JUNB: variants seen among roughly 807,000 people sequenced by gnomAD.
JUNB encodes the protein transcription factor JunB.
In JUNB, 6 loss-of-function variants were observed where a neutral mutation model predicts 16.4. The ratio of observed to expected loss-of-function variants is 0.37; its 90% CI spans 0.20 to 0.72. The LOEUF (loss-of-function observed/expected upper bound fraction) is 0.72. Ranked by LOEUF, JUNB falls within the 30% of genes least tolerant of loss-of-function variation. JUNB has a pLI of 0.53. For synonymous variants in JUNB, 226 were observed against 232.8 expected (o/e 0.97, Z 0.27); for missense variants, 389 against 492.9 (o/e 0.79, Z 2.00).
chr19:12,792,748 A>G lies in JUNB; in HGVS notation c.977A>G (p.Gln326Arg). The change falls in exon 1 of 1, where the codon CAG becomes CGG. Residue 326 changes from glutamine (Q) to arginine (R), a missense_variant. Physicochemically the swap from Gln to Arg is conservative, Grantham distance 43. Around this residue, in one of 2 missense-constraint regions of JUNB, gnomAD observed 40 missense variants for 103.2 expected, o/e 0.39. Transcript: ENST00000302754. Reference sequence around the variant, plus strand: ...CGGGAGCAGGTGGCCCAGCTCAAACAGAAGGTCATGACCCACGTCAGCAAC... The same window carrying G: ...CGGGAGCAGGTGGCCCAGCTCAAACGGAAGGTCATGACCCACGTCAGCAAC... ...LLREQVAQLK[Q>R]KVMTHVSNGC... is the part of the protein sequence containing the mutation. The G allele has an allele frequency of 6.2e-7, 1 of 1,611,962 alleles. No individual in the cohort carries two copies. Among genetic ancestry groups the G allele is most frequent in the Non-Finnish European group, 8.5e-7 (1 of 1,179,228 alleles).
Position 12,791,721 on chromosome 19 carries a change from G to A in JUNB, c.-51G>A. 8.8e-6 allele frequency: 12 copies of A among 1,369,944 alleles called. No homozygotes were observed. Among genetic ancestry groups the A allele is most frequent in the Non-Finnish European group, 1.2e-5 (12 of 1,004,574 alleles). The allele number at this position is 1,369,944 out of a possible 1,614,324, so 84.9% of individuals were successfully genotyped here. On this transcript the variant is annotated 5_prime_UTR_variant, in exon 1 of 1. Transcript: ENST00000302754. The surrounding 1 kb of genome is among the most constrained non-coding windows in gnomAD (Gnocchi z 7.0). ...GAGAGCTCGCCGCTCGCTGCAGCGA[G>A]GCCCGGAGCGGCCCCGCAGGGACCC...
Position 12,792,841 on chromosome 19 carries a change from C to A in JUNB, c.*26C>A, listed in dbSNP as rs1968737128. 6.3e-7 allele frequency: 1 copy of A among 1,577,956 alleles called. No individual in the cohort carries two copies. On this transcript the variant is annotated 3_prime_UTR_variant, in exon 1 of 1. Transcript: ENST00000302754. The stretch of plus-strand genomic sequence containing the variant: ...ACGTCCCCTGCCCCTTTACGGACAC[C>A]CCCTCGCTTGGACGGCTGGGCACAC...
At position 12,792,843 on chromosome 19, in the gene JUNB, C is replaced by T. The variant is rs752649419; in HGVS notation, c.*28C>T. 23 of 1,577,116 alleles carry T rather than the reference C, an allele frequency of 1.5e-5. No homozygotes were observed. The stretch of plus-strand genomic sequence containing the variant: ...GTCCCCTGCCCCTTTACGGACACCC[C>T]CTCGCTTGGACGGCTGGGCACACGC... On this transcript the variant is annotated 3_prime_UTR_variant, in exon 1 of 1. Coordinates refer to ENST00000302754, the MANE Select transcript of JUNB (RefSeq NM_002229.3).
chr19:12,792,650 C>T lies in JUNB; in HGVS notation c.879C>T (p.Ile293=), dbSNP rs889966481. ...GCCGGAAGCGGAAGCTGGAGCGCAT[C>T]GCGCGCCTGGAGGACAAGGTGAAGA... ...TKCRKRKLER[I]ARLEDKVKTL... The change falls in exon 1 of 1, where the codon ATC becomes ATT. Residue 293 remains isoleucine (I), a synonymous_variant. Transcript: ENST00000302754. 3 of 1,566,528 alleles carry T rather than the reference C, an allele frequency of 1.9e-6. No individual in the cohort carries two copies. Among genetic ancestry groups the T allele is most frequent in the Non-Finnish European group, 2.6e-6 (3 of 1,156,962 alleles).
chr19:12,792,607 G>C lies in JUNB; in HGVS notation c.836G>C (p.Arg279Pro), dbSNP rs1215354308. ...GTGGAGCGCAAGCGGCTGCGGAACC[G>C]GCTGGCGGCCACCAAGTGCCGGAAG... ...IKVERKRLRN[R>P]LAATKCRKRK... Residue 279 changes from arginine (R) to proline (P), a missense_variant, in exon 1 of 1, where the codon CGG becomes CCG. Arg to Pro is a moderately radical substitution (Grantham distance 103). Coordinates refer to ENST00000302754, the MANE Select transcript of JUNB (RefSeq NM_002229.3). The C allele has an allele frequency of 1.3e-6, 2 of 1,558,424 alleles. No homozygotes were observed. Among genetic ancestry groups the C allele is most frequent in the Non-Finnish European group, 1.7e-6 (2 of 1,152,328 alleles).
rs954341429 is a variant in JUNB at position 12,791,510 on chromosome 19, G to A, written c.-262G>A. On this transcript the variant is annotated 5_prime_UTR_variant, in exon 1 of 1. Coordinates refer to ENST00000302754, the MANE Select transcript of JUNB (RefSeq NM_002229.3). This position sits in a 1 kb window ranked among gnomAD's most constrained non-coding sequence, Gnocchi z 7.0. ...TGGGACCTTGAGAGCGGCCAGGCCAGCCTCGGAGCCAGCAGGGAGCTGGGA... is the reference window on the plus strand; with the variant it reads ...TGGGACCTTGAGAGCGGCCAGGCCAACCTCGGAGCCAGCAGGGAGCTGGGA... The A allele has an allele frequency of 7.0e-6, 3 of 430,866 alleles. No individual in the cohort carries two copies. Among genetic ancestry groups the A allele is most frequent in the Non-Finnish European group, 1.2e-5 (3 of 242,464 alleles). The allele number at this position is 430,866 out of a possible 1,614,324, so 26.7% of individuals were successfully genotyped here. A position where few individuals can be genotyped will look rare whatever the true frequency, so the allele number is the denominator to read the frequency against.
In JUNB at chr19:12,791,966, C is replaced by T; in HGVS notation, c.195C>T (p.Gly65=). ...ARGPGPEGGG[G]GSYFSGQGSD... ...GACCCGGCCCAGAGGGCGGCGGTGG[C>T]GGCAGCTACTTTTCTGGTCAGGGCT... Residue 65 remains glycine, a synonymous_variant, in exon 1 of 1, where the codon GGC becomes GGT. Transcript: ENST00000302754. This position sits in a 1 kb window ranked among gnomAD's most constrained non-coding sequence, Gnocchi z 7.0. 6.2e-7 allele frequency: 1 copy of T among 1,611,042 alleles called. No individual in the cohort carries two copies. Among genetic ancestry groups the T allele is most frequent in the Non-Finnish European group, 8.5e-7 (1 of 1,179,324 alleles).
In JUNB at chr19:12,791,543, G is replaced by A. The variant is rs1359427576; in HGVS notation, c.-229G>A. The A allele has an allele frequency of 6.2e-6, 3 of 486,746 alleles. No homozygotes were observed. The highest frequency in any genetic ancestry group is 3.5e-5 in the East Asian group (1 of 28,796). The allele number at this position is 486,746 out of a possible 1,614,324, so 30.2% of individuals were successfully genotyped here. A position where few individuals can be genotyped will look rare whatever the true frequency, so the allele number is the denominator to read the frequency against. On this transcript the variant is annotated 5_prime_UTR_variant, in exon 1 of 1. Coordinates refer to ENST00000302754, the MANE Select transcript of JUNB (RefSeq NM_002229.3). This position sits in a 1 kb window ranked among gnomAD's most constrained non-coding sequence, Gnocchi z 7.0. Reference sequence around the variant, plus strand: ...GCCAGCAGGGAGCTGGGAGCTGGGGGAAACGACGCCAGGAAAGCTATCGCG... The same window carrying A: ...GCCAGCAGGGAGCTGGGAGCTGGGGAAAACGACGCCAGGAAAGCTATCGCG...
Position 12,792,134 on chromosome 19 carries a change from A to AG in JUNB, c.368dup (p.Ala124ArgfsTer260). 6.3e-7 allele frequency: 1 copy of AG among 1,595,940 alleles called. No homozygotes were observed. The highest frequency in any genetic ancestry group is 8.5e-7 in the Non-Finnish European group (1 of 1,172,388). On this transcript the variant is annotated frameshift_variant, in exon 1 of 1. Transcript: ENST00000302754. LOFTEE classifies it high-confidence loss of function. ...GCGGGGGTGGCAGCGGTGGAGGTGC[A>AG]GGGGGCGCAGGGGGCGGCGTCACCG...
Position 12,792,512 on chromosome 19 carries a change from G to A in JUNB, c.741G>A (p.Pro247=), listed in dbSNP as rs113134178. ...TCAAGGAGGAACCGCAGACCGTGCCGGAGGCGCGCAGCCGGGACGCCACGC... is the reference window on the plus strand; with the variant it reads ...TCAAGGAGGAACCGCAGACCGTGCCAGAGGCGCGCAGCCGGGACGCCACGC... ...STFKEEPQTV[P]EARSRDATPP... The change falls in exon 1 of 1, where the codon CCG becomes CCA. Residue 247 remains proline, a synonymous_variant. Transcript: ENST00000302754. 1 of 1,574,062 alleles carries A rather than the reference G, an allele frequency of 6.4e-7. No homozygotes were observed. Among genetic ancestry groups the A allele is most frequent in the Non-Finnish European group, 8.6e-7 (1 of 1,161,492 alleles).
chr19:12,792,814 G>A lies in JUNB; in HGVS notation c.1043G>A (p.Ter348=), dbSNP rs1968736505. ...LLLGVKGHAF[*] is the part of the protein sequence containing the mutation. ...CTTGGGGTCAAGGGACACGCCTTCT[G>A]AACGTCCCCTGCCCCTTTACGGACA... Residue 348 remains the stop codon, a stop_retained_variant, in exon 1 of 1, where the codon TGA becomes TAA. Coordinates refer to ENST00000302754, the MANE Select transcript of JUNB (RefSeq NM_002229.3). 6.3e-7 allele frequency: 1 copy of A among 1,596,416 alleles called. No individual in the cohort carries two copies. The highest frequency in any genetic ancestry group is 8.6e-7 in the Non-Finnish European group (1 of 1,166,452).
Position 12,792,264 on chromosome 19 carries a change from C to A in JUNB, c.493C>A (p.Pro165Thr), listed in dbSNP as rs769217729. 3.3e-6 allele frequency: 5 copies of A among 1,494,020 alleles called. No homozygotes were observed. The South Asian group carries it at 6.5e-5, about 19-fold the overall frequency. The allele number at this position is 1,494,020 out of a possible 1,614,324, so 92.5% of individuals were successfully genotyped here. The change falls in exon 1 of 1, where the codon CCC (proline) becomes ACC (threonine). Residue 165 changes from proline to threonine, a missense_variant. Physicochemically the swap from Pro to Thr is conservative, Grantham distance 38 (BLOSUM62 -1). Coordinates refer to ENST00000302754, the MANE Select transcript of JUNB (RefSeq NM_002229.3). The part of the protein sequence containing the change: ...PNVSLGATGG[P>T]PAGPGGVYAG... ...CGTGTCCCTGGGCGCTACCGGGGGG[C>A]CCCCGGCTGGGCCCGGGGGCGTCTA...
rs1032374540 is a variant in JUNB, at chr19:12,791,670, A to G, written c.-102A>G. The G allele has an allele frequency of 1.1e-4, 87 of 811,774 alleles. No individual in the cohort carries two copies. Among genetic ancestry groups the G allele is most frequent in the Non-Finnish European group, 1.4e-4 (76 of 556,586 alleles). The allele number at this position is 811,774 out of a possible 1,614,324, so 50.3% of individuals were successfully genotyped here. A position where few individuals can be genotyped will look rare whatever the true frequency, so the allele number is the denominator to read the frequency against. ...CGCCAGCCCCCGAGAACGCGCGACC[A>G]GGCACCCAGTCCGGTCACCGCAGCG... On this transcript the variant is annotated 5_prime_UTR_variant, in exon 1 of 1. Coordinates refer to ENST00000302754, the MANE Select transcript of JUNB (RefSeq NM_002229.3). The surrounding 1 kb of genome is among the most constrained non-coding windows in gnomAD (Gnocchi z 7.0).
Position 12,792,361 on chromosome 19 carries a change from G to A in JUNB, c.590G>A (p.Gly197Asp), listed in dbSNP as rs757464520. ...TCCCCAGCCTCTGCGTCCTCGGGAG[G>A]CGCCGGGGCTGCCGTCGGGACCGGG... ...SYSPASASSG[G>D]AGAAVGTGSS... Residue 197 changes from glycine (G) to aspartate (D), a missense_variant, in exon 1 of 1, where the codon GGC becomes GAC. Coordinates refer to ENST00000302754, the MANE Select transcript of JUNB (RefSeq NM_002229.3). 6.5e-7 allele frequency: 1 copy of A among 1,547,020 alleles called. No homozygotes were observed. Among genetic ancestry groups the A allele is most frequent in the Non-Finnish European group, 8.7e-7 (1 of 1,146,804 alleles).
Position 12,792,968 on chromosome 19 carries a change from T to G in JUNB, c.*153T>G. 1 of 750,426 alleles carries G rather than the reference T, an allele frequency of 1.3e-6. No homozygotes were observed. The highest frequency in any genetic ancestry group is 2.0e-5 in the South Asian group (1 of 49,014). 46.5% of individuals were successfully genotyped at this position (750,426 alleles called of 1,614,324 possible). Reference sequence around the variant, plus strand: ...TCCGGCCCTCCTACCCTGCGCCCAGTCCTTCCACCTCGACGTTTACAAGCC... The same window carrying G: ...TCCGGCCCTCCTACCCTGCGCCCAGGCCTTCCACCTCGACGTTTACAAGCC... On this transcript the variant is annotated 3_prime_UTR_variant, in exon 1 of 1. Transcript: ENST00000302754.
chr19:12,792,850 T>C lies in JUNB; in HGVS notation c.*35T>C. 6.4e-7 allele frequency: 1 copy of C among 1,569,380 alleles called. No individual in the cohort carries two copies. Among genetic ancestry groups the C allele is most frequent in the Non-Finnish European group, 8.7e-7 (1 of 1,151,338 alleles). ...GCCCCTTTACGGACACCCCCTCGCT[T>C]GGACGGCTGGGCACACGCCTCCCAC... On this transcript the variant is annotated 3_prime_UTR_variant, in exon 1 of 1. Transcript: ENST00000302754.
rs1002071250 is a variant in JUNB at position 12,792,427 on chromosome 19, C to T, written c.656C>T (p.Ala219Val). ...ACCACCATCAGCTACCTCCCACACG[C>T]GCCGCCCTTCGCCGGTGGCCACCCG... ...PTTTISYLPH[A>V]PPFAGGHPAQ... is the part of the protein sequence containing the mutation. Residue 219 changes from alanine (A) to valine (V), a missense_variant, in exon 1 of 1, where the codon GCG (alanine) becomes GTG (valine). Physicochemically the swap from Ala to Val is moderately conservative, Grantham distance 64 (BLOSUM62 0). Coordinates refer to ENST00000302754, the MANE Select transcript of JUNB (RefSeq NM_002229.3). The T allele has an allele frequency of 6.2e-7, 1 of 1,601,606 alleles. No individual in the cohort carries two copies. Among genetic ancestry groups the T allele is most frequent in the Non-Finnish European group, 8.5e-7 (1 of 1,177,312 alleles).
rs2145807684 is a variant in JUNB, at chr19:12,792,860, G to A, written c.*45G>A. On this transcript the variant is annotated 3_prime_UTR_variant, in exon 1 of 1. Coordinates refer to ENST00000302754, the MANE Select transcript of JUNB (RefSeq NM_002229.3). ...GGACACCCCCTCGCTTGGACGGCTG[G>A]GCACACGCCTCCCACTGGGGTCCAG... 1.3e-6 allele frequency: 2 copies of A among 1,557,732 alleles called. No individual in the cohort carries two copies. The highest frequency in any genetic ancestry group is 4.6e-5 in the East Asian group (2 of 43,398).
In JUNB at chr19:12,792,952, C is replaced by T; in HGVS notation, c.*137C>T. 1 of 920,690 alleles carries T rather than the reference C, an allele frequency of 1.1e-6. No individual in the cohort carries two copies. Among genetic ancestry groups the T allele is most frequent in the Non-Finnish European group, 1.6e-6 (1 of 617,026 alleles). 57.0% of individuals were successfully genotyped at this position (920,690 alleles called of 1,614,324 possible). A position where few individuals can be genotyped will look rare whatever the true frequency, so the allele number is the denominator to read the frequency against. On this transcript the variant is annotated 3_prime_UTR_variant, in exon 1 of 1. Transcript: ENST00000302754. Reference sequence around the variant, plus strand: ...GCAAACCACACTGGACTCCGGCCCTCCTACCCTGCGCCCAGTCCTTCCACC... The same window carrying T: ...GCAAACCACACTGGACTCCGGCCCTTCTACCCTGCGCCCAGTCCTTCCACC...
Sources: gnomAD v4.1 joint callset for allele counts on GRCh38, gnomAD v4.1.1 for gene constraint, gnomAD v4.1.1 regional missense constraint, Gnocchi (gnomAD v3.1) non-coding constraint, MANE v1.5 for transcripts, NCBI Gene and HGNC (gene_info 2026-07-23, HGNC 2026-07-21) for gene names.